Variants in SEMA3A observed in about 807,000 individuals in gnomAD.
SEMA3A encodes semaphorin 3A.
In SEMA3A, 29 loss-of-function variants were observed where a neutral mutation model predicts 97.9. The observed-to-expected ratio is 0.30, with a 90% CI of 0.22 to 0.40. SEMA3A has a LOEUF of 0.40. Ranked by LOEUF, SEMA3A falls within the 10% of genes least tolerant of loss-of-function variation. The pLI is 1.00. For missense variants in SEMA3A, 763 were observed against 951.3 expected (o/e 0.80, Z 2.60); for synonymous variants, 321 against 323.7 (o/e 0.99, Z 0.09).
At chr7:84,106,437 T>C (rs543743703) in intron 4 of SEMA3A, among the ~76,000 whole-genome samples, 1 of 152,270 alleles carries the variant, frequency 6.6e-6, no homozygotes, top group Admixed American at 6.5e-5. Context: ...CCCATCTAGA[T>C]TGGTGTAAGT....
At chr7:84,371,750 C>A (rs943463996) in intron 2 of SEMA3A, 1 of 151,784 alleles carries the variant, frequency 6.6e-6, no homozygotes, top group Non-Finnish European at 1.5e-5. Flanking sequence ...AAAACTTTTT[C>A]GGTTCCACTT....
rs938512522 is a variant in SEMA3A at position 84,129,612 on chromosome 7, G to A, written c.271-427C>T. On this transcript the variant is annotated intron_variant, in intron 2 of 16. Transcript: ENST00000265362. The stretch of plus-strand genomic sequence containing the variant: ...GATTTTGCAGTTTTAACATTTGGGT[G>A]CTTTGGATACATTTCCCTGAAACAA... 2.6e-5 allele frequency among the ~76,000 whole-genome samples: 4 copies of A among 151,892 alleles called. No homozygotes were observed. The East Asian group carries it at 7.7e-4, about 29-fold the overall frequency.
chr7:84,059,720 C>G (rs1287336632), intron 5 of SEMA3A, among the ~76,000 whole-genome samples: 4 of 143,986 alleles, frequency 2.8e-5, no homozygotes, highest in Non-Finnish European at 4.6e-5. Flanking sequence ...GAATCATGAC[C>G]CAGAATTTTT....
chr7:84,220,092 A>G (rs1478900677), intron 3 of SEMA3A, among the ~76,000 whole-genome samples: 1 of 152,170 alleles, frequency 6.6e-6, no homozygotes, highest in Admixed American at 6.6e-5. Flanking sequence ...AACCCTGCCC[A>G]TGCATTATCA....
chr7:84,019,548 T>G (rs934395748), intron 6 of SEMA3A, among the ~76,000 whole-genome samples: 2 of 152,158 alleles, frequency 1.3e-5, no homozygotes, highest in Non-Finnish European at 2.9e-5. Context: ...AATACAAATA[T>G]GTACTTTAAA....
intron 5 of SEMA3A, among the ~76,000 whole-genome samples, chr7:84,051,053 T>G (rs548606408): frequency 3.3e-5 from 5 of 151,940 alleles, no homozygotes; most frequent in Admixed American, 3.3e-4. Context: ...GGCTCTGTTC[T>G]GTTCCATTGA....
chr7:84,302,645 A>T (rs959691708), intron 3 of SEMA3A, among the ~76,000 whole-genome samples: 31 of 152,152 alleles, frequency 2.0e-4, no homozygotes, highest in African/African-American at 5.3e-4. Flanking sequence ...GGGGTCACAC[A>T]TTTGTTTTGT....
chr7:84,118,554 T>G (rs1795504239), intron 3 of SEMA3A, among the ~76,000 whole-genome samples: 1 of 152,204 alleles, frequency 6.6e-6, no homozygotes, highest in Non-Finnish European at 1.5e-5. Context: ...CCAGGTCCTC[T>G]GGCTTCCACC....
chr7:84,247,916 A>G (rs1175584483), intron 3 of SEMA3A, among the ~76,000 whole-genome samples: 1 of 152,220 alleles, frequency 6.6e-6, no homozygotes, highest in Non-Finnish European at 1.5e-5. Context: ...TCCTTTAAGC[A>G]TGATTTACCT....
In SEMA3A at chr7:83,956,069, T is replaced by G. The variant is rs922866120; in HGVS notation, c.*5302A>C. On this transcript the variant is annotated 3_prime_UTR_variant, in exon 17 of 17. Coordinates refer to ENST00000265362, the MANE Select transcript of SEMA3A (RefSeq NM_006080.3). ...AGGTGGGTCTCATTTTTTAAAAAACTTTTTTGGTTTGTTTGTTTAAAATAA... is the reference window on the plus strand; with the variant it reads ...AGGTGGGTCTCATTTTTTAAAAAACGTTTTTGGTTTGTTTGTTTAAAATAA... The G allele has an allele frequency of 2.0e-5, 3 of 152,170 alleles. No homozygotes were observed. The highest frequency in any genetic ancestry group is 7.2e-5 in the African/African-American group (3 of 41,448). 9.4% of individuals were successfully genotyped at this position (152,170 alleles called of 1,614,324 possible).
At chr7:84,369,140 T>C (rs1456601718) in intron 2 of SEMA3A, among the ~76,000 whole-genome samples, 1 of 151,096 alleles carries the variant, frequency 6.6e-6, no homozygotes, top group Admixed American at 6.6e-5. Context: ...CACAAATCTA[T>C]ATCTGGAGTC....
intron 4 of SEMA3A, among the ~76,000 whole-genome samples, chr7:84,105,452 T>C (rs547674303): frequency 1.3e-5 from 2 of 152,116 alleles, no homozygotes; most frequent in African/African-American, 2.4e-5. Context: ...ATATTGGTTG[T>C]CATTGTGGAA....
At chr7:84,295,606 G>T (rs1401826731) in intron 3 of SEMA3A, among the ~76,000 whole-genome samples, 1 of 151,858 alleles carries the variant, frequency 6.6e-6, no homozygotes, top group Non-Finnish European at 1.5e-5. Flanking sequence ...AATAAATTAT[G>T]CAGAACAACC....
chr7:83,989,826 T>C (rs1789821281), intron 12 of SEMA3A, among the ~76,000 whole-genome samples: 2 of 150,490 alleles, frequency 1.3e-5, no homozygotes, highest in African/African-American at 4.9e-5. Flanking sequence ...CCTTTGGGTA[T>C]ATACCCAGTA....
intron 1 of SEMA3A, among the ~76,000 whole-genome samples, chr7:84,402,737 A>G (rs1476969890): frequency 1.3e-5 from 2 of 152,216 alleles, no homozygotes; most frequent in Admixed American, 6.5e-5. Context: ...TCCAGCCACA[A>G]AAAGAATAAT....
chr7:84,208,161 T>C (rs1798536639), intron 3 of SEMA3A, among the ~76,000 whole-genome samples: 1 of 152,016 alleles, frequency 6.6e-6, no homozygotes, highest in Non-Finnish European at 1.5e-5. Flanking sequence ...ATGTTAAGAA[T>C]GGAAAGACAA....
chr7:84,099,419 A>G (rs932336559), intron 4 of SEMA3A, among the ~76,000 whole-genome samples: 2 of 152,078 alleles, frequency 1.3e-5, no homozygotes, highest in African/African-American at 2.4e-5. Flanking sequence ...TCACATATAC[A>G]TTCCCCAAAA....
At chr7:84,116,692 G>A (rs1795444684) in intron 3 of SEMA3A, among the ~76,000 whole-genome samples, 1 of 152,102 alleles carries the variant, frequency 6.6e-6, no homozygotes, top group Non-Finnish European at 1.5e-5. Flanking sequence ...GAGACATCGG[G>A]GCATGAGTGC....
intron 3 of SEMA3A, among the ~76,000 whole-genome samples, chr7:84,291,582 A>G (rs768097594): frequency 6.6e-6 from 1 of 152,054 alleles, no homozygotes; most frequent in Non-Finnish European, 1.5e-5. Flanking sequence ...GAACATTTCC[A>G]TTTGGAAATT....
Sources: allele counts gnomAD v4.1 joint callset (sites outside exome capture counted in the v4.1 genomes callset), GRCh38; gene constraint gnomAD v4.1.1; transcripts MANE v1.5; gene names NCBI Gene and HGNC (gene_info 2026-07-23, HGNC 2026-07-21).